The following ZCCHC17 variants were observed in gnomAD, a reference collection of about 807,000 sequenced individuals.
The protein encoded by ZCCHC17 is zinc finger CCHC-type containing 17.
ZCCHC17 carries 18 observed loss-of-function variants against 30.6 expected under a neutral mutation model. The observed-to-expected ratio is 0.59, with a 90% CI of 0.41 to 0.87. ZCCHC17 has a LOEUF of 0.87. ZCCHC17 is among the 40% of genes least tolerant of loss of function. The probability of loss-of-function intolerance (pLI) is 0.00; values close to 1 mark genes in which losing one functional copy is unlikely to be tolerated. For synonymous variants in ZCCHC17, 88 were observed against 92.4 expected (o/e 0.95, Z 0.27); for missense variants, 263 against 284.2 (o/e 0.93, Z 0.54).
Position 31,364,153 on chromosome 1 carries a change from A to G in ZCCHC17, c.686A>G (p.Lys229Arg), listed in dbSNP as rs746457316. The G allele has an allele frequency of 8.7e-6, 14 of 1,613,820 alleles. No individual in the cohort carries two copies. The highest frequency in any genetic ancestry group is 3.3e-4 in the Middle Eastern group (2 of 6,046). Residue 229 changes from lysine (K) to arginine (R), a missense_variant, in exon 8 of 8, where the codon AAG becomes AGG. Coordinates refer to ENST00000344147, the MANE Select transcript of ZCCHC17 (RefSeq NM_016505.4). ...TSKDSKAAKK[K>R]KKKKKHKKKH... ...AAAGACAGCAAGGCAGCAAAGAAGA[A>G]GAAAAAGAAGAAGAAGCACAAGAAG...
chr1:31,346,747 T>C lies in ZCCHC17; in HGVS notation c.418+7T>C, dbSNP rs776091821. On this transcript the variant is annotated splice_region_variant and intron_variant, in intron 6 of 7. Transcript: ENST00000344147. ...AAGAAGTGTGGCTGTAAAGGTAGGG[T>C]GAAGCCTCTGCCCTTTCCACGTTTC... is the stretch of plus-strand genomic sequence containing the variant. 1.2e-5 allele frequency: 19 copies of C among 1,613,968 alleles called. No homozygotes were observed. The African/African-American group carries it at 2.1e-4, about 18-fold the overall frequency.
At chr1:31,298,583 C>T (rs1267531163) in intron 1 of ZCCHC17, among the ~76,000 whole-genome samples, 1 of 152,088 alleles carries the variant, frequency 6.6e-6, no homozygotes, top group Non-Finnish European at 1.5e-5. Context: ...TGGGGTTCCA[C>T]CATATTGGCC....
At chr1:31,355,862 G>A (rs766837559) in intron 7 of ZCCHC17, among the ~76,000 whole-genome samples, 2 of 152,120 alleles carry the variant, frequency 1.3e-5, no homozygotes, top group Non-Finnish European at 2.9e-5. Flanking sequence ...CTAAATCTTG[G>A]ATTCCAGCAG....
chr1:31,339,115 C>A (rs1187030519), intron 5 of ZCCHC17, 67 bp downstream of exon 5: 7 of 1,134,286 alleles, frequency 6.2e-6, no homozygotes, highest in African/African-American at 1.5e-5. Flanking sequence ...TTTAGTAAAT[C>A]AGACTGAACT....
intron 1 of ZCCHC17, among the ~76,000 whole-genome samples, chr1:31,308,981 TA>T (rs1163204218): frequency 8.5e-5 from 13 of 152,300 alleles, no homozygotes; most frequent in Admixed American, 3.9e-4. Flanking sequence ...CTTCTACATA[TA>T]AAAAAACTGT....
intron 7 of ZCCHC17, among the ~76,000 whole-genome samples, chr1:31,361,552 C>T (rs1639894632): frequency 6.6e-6 from 1 of 152,210 alleles, no homozygotes; most frequent in South Asian, 2.1e-4. Flanking sequence ...TTAATTCTAT[C>T]TTATTCCAAA....
chr1:31,342,619 C>G (rs1423220127), intron 5 of ZCCHC17, among the ~76,000 whole-genome samples: 2 of 152,172 alleles, frequency 1.3e-5, no homozygotes, highest in African/African-American at 2.4e-5. Context: ...CTATGAGAAT[C>G]TAATGCTGCT....
At chr1:31,335,521 A>G (rs1488595339) in intron 3 of ZCCHC17, among the ~76,000 whole-genome samples, 2 of 151,996 alleles carry the variant, frequency 1.3e-5, no homozygotes, top group East Asian at 3.9e-4. Context: ...GACTACAAGC[A>G]TGCACCACCA....
intron 1 of ZCCHC17, among the ~76,000 whole-genome samples, 156 bp from the exon 2 acceptor site, chr1:31,309,888 C>T (rs1178749410): frequency 1.3e-5 from 2 of 152,030 alleles, no homozygotes; most frequent in Admixed American, 6.6e-5. Flanking sequence ...GTTTCCAAAA[C>T]TCCCCACAAT....
In ZCCHC17 at chr1:31,338,980, A is replaced by G; in HGVS notation, c.249A>G (p.Val83=). Residue 83 remains valine, a synonymous_variant, in exon 5 of 8, where the codon GTA becomes GTG. Coordinates refer to ENST00000344147, the MANE Select transcript of ZCCHC17 (RefSeq NM_016505.4). ...AGATGAAAAATGATAGAATAAAAGT[A>G]TCCCTCTCCATGAAGGTTGTCAATC... ...GREMKNDRIK[V]SLSMKVVNQG... 6.2e-7 allele frequency: 1 copy of G among 1,611,760 alleles called. No individual in the cohort carries two copies. Among genetic ancestry groups the G allele is most frequent in the Non-Finnish European group, 8.5e-7 (1 of 1,179,510 alleles).
chr1:31,297,906 T>C (rs1348437627), intron 1 of ZCCHC17, among the ~76,000 whole-genome samples: 1 of 152,124 alleles, frequency 6.6e-6, no homozygotes, highest in Non-Finnish European at 1.5e-5. Flanking sequence ...ACAAAGAGAA[T>C]GAAGGGAGTA....
At chr1:31,358,587 C>A (rs749549257) in intron 7 of ZCCHC17, among the ~76,000 whole-genome samples, 2 of 151,844 alleles carry the variant, frequency 1.3e-5, no homozygotes, top group African/African-American at 2.4e-5. Context: ...GACTGTGTAA[C>A]TGGAAGATTT....
In ZCCHC17 at chr1:31,364,565, G is replaced by A. The variant is rs1640059992; in HGVS notation, c.*372G>A. On this transcript the variant is annotated 3_prime_UTR_variant, in exon 8 of 8. Coordinates refer to ENST00000344147, the MANE Select transcript of ZCCHC17 (RefSeq NM_016505.4). ...CAGAGACTGTTGTGGAGGTGAGTTC[G>A]GCTGTAGTTAGAGTGATTGGACCCT... The A allele has an allele frequency of 4.4e-6, 1 of 228,120 alleles. No individual in the cohort carries two copies. Among genetic ancestry groups the A allele is most frequent in the Non-Finnish European group, 8.8e-6 (1 of 113,866 alleles). The allele number at this position is 228,120 out of a possible 1,614,324, so 14.1% of individuals were successfully genotyped here.
chr1:31,359,030 T>C (rs1265437984), intron 7 of ZCCHC17, among the ~76,000 whole-genome samples: 1 of 152,194 alleles, frequency 6.6e-6, no homozygotes, highest in Non-Finnish European at 1.5e-5. Flanking sequence ...ATACCATGAA[T>C]GTGTTCTAGG....
At chr1:31,297,278 C>T (rs1262598402) in intron 1 of ZCCHC17, 1 of 398,180 alleles carries the variant, frequency 2.5e-6, no homozygotes, top group Non-Finnish European at 4.4e-6. Flanking sequence ...GGCGGCAAGA[C>T]CCAGCCCCTG....
intron 5 of ZCCHC17, among the ~76,000 whole-genome samples, chr1:31,340,432 C>T (rs1423813908): frequency 6.6e-6 from 1 of 151,700 alleles, no homozygotes; most frequent in African/African-American, 2.4e-5. Context: ...ATTCTCCTGC[C>T]TCAGCCTCCA....
intron 1 of ZCCHC17, among the ~76,000 whole-genome samples, chr1:31,308,808 C>G (rs1174549183): frequency 3.9e-5 from 6 of 152,204 alleles, no homozygotes; most frequent in African/African-American, 1.4e-4. Context: ...GGTAACACCT[C>G]AGACCTACTG....
chr1:31,348,691 A>G (rs528840000), intron 6 of ZCCHC17, 138 bp from the exon 7 acceptor site: 1 of 1,037,268 alleles, frequency 9.6e-7, no homozygotes, highest in Non-Finnish European at 1.4e-6. Context: ...TCTACCCTGA[A>G]TCAAACAGCT....
chr1:31,311,873 G>A (rs960624616), intron 2 of ZCCHC17, among the ~76,000 whole-genome samples: 1 of 152,246 alleles, frequency 6.6e-6, no homozygotes, highest in Admixed American at 6.5e-5. Context: ...CACTTGGGAA[G>A]TGGTTAAGTC....
Sources: allele counts gnomAD v4.1 joint callset (sites outside exome capture counted in the v4.1 genomes callset), GRCh38; gene constraint gnomAD v4.1.1; transcripts MANE v1.5; gene names NCBI Gene and HGNC (gene_info 2026-07-23, HGNC 2026-07-21).